Variants in TRAPPC10 observed in about 807,000 individuals in gnomAD.
TRAPPC10 encodes the protein TRAPP 130 kDa subunit.
A neutral mutation model predicts 125.5 loss-of-function variants in TRAPPC10; 23 were observed. That is an observed-to-expected ratio of 0.18 (90% CI 0.13 to 0.26). The LOEUF (loss-of-function observed/expected upper bound fraction) is 0.26, where lower values mean the gene tolerates loss of function less well. Among genes scored for constraint, TRAPPC10 ranks in the 10% least tolerant of loss-of-function variants. The pLI is 1.00. For synonymous variants in TRAPPC10, 509 were observed against 518.0 expected, an observed-to-expected ratio of 0.98 and a Z score of 0.24; for missense variants, 1,123 against 1,308.4, an observed-to-expected ratio of 0.86 and a Z score of 2.19.
rs1371132399 is a variant in TRAPPC10, at chr21:44,083,218, G to A, written c.2154G>A (p.Val718=). Residue 718 remains valine, a synonymous_variant, in exon 14 of 23, where the codon GTG becomes GTA. Coordinates refer to ENST00000291574, the MANE Select transcript of TRAPPC10 (RefSeq NM_003274.5). The stretch of plus-strand genomic sequence containing the variant: ...CCTCTCTAGAGATGCCCTCAGGGGT[G>A]GCTCTGGAGGAGGGTGCCCACGTGC... The part of the protein sequence containing the change: ...SSSSLEMPSG[V]ALEEGAHVLR... 1.1e-5 allele frequency: 18 copies of A among 1,614,144 alleles called. No homozygotes were observed. The highest frequency in any genetic ancestry group is 1.5e-5 in the Non-Finnish European group (18 of 1,180,016).
At chr21:44,078,595 C>T (rs925540408) in intron 11 of TRAPPC10, among the ~76,000 whole-genome samples, 4 of 152,216 alleles carry the variant, frequency 2.6e-5, no homozygotes, top group East Asian at 1.9e-4. Flanking sequence ...TCTGGTTTTC[C>T]GGATGTGGTT....
intron 7 of TRAPPC10, among the ~76,000 whole-genome samples, chr21:44,068,511 GGGCAGAGAGA>G (rs769430708): frequency 7.2e-5 from 11 of 152,140 alleles, no homozygotes; most frequent in Non-Finnish European, 1.3e-4. Context: ...GTGAGGCAGA[GGGCAGAGAGA>G]GGCAGAGAGA....
chr21:44,074,385 A>T lies in TRAPPC10; in HGVS notation c.1100A>T (p.Gln367Leu). The change falls in exon 8 of 23, where the codon CAG becomes CTG. Residue 367 changes from glutamine (Q) to leucine (L), a missense_variant. Around this residue, in one of 4 missense-constraint regions of TRAPPC10, gnomAD observed 840 missense variants for 902.0 expected, o/e 0.93. Coordinates refer to ENST00000291574, the MANE Select transcript of TRAPPC10 (RefSeq NM_003274.5). The part of the protein sequence containing the change: ...WVFLSCLEVL[Q>L]RIEGCCDRAQ... ...TTTCTGAGCTGTCTGGAGGTGTTGC[A>T]GAGGATAGAAGGCTGCTGTGACCGG... is the stretch of plus-strand genomic sequence containing the variant. The T allele has an allele frequency of 1.2e-6, 2 of 1,614,198 alleles. No individual in the cohort carries two copies. Among genetic ancestry groups the T allele is most frequent in the Non-Finnish European group, 1.7e-6 (2 of 1,180,022 alleles).
chr21:44,076,756 C>G, intron 10 of TRAPPC10, 128 bp downstream of exon 10: 1 of 657,972 alleles, frequency 1.5e-6, no homozygotes. Flanking sequence ...TTTTTAGTTT[C>G]TTTGGTACCT....
At chr21:44,047,532 A>ATGTATG (rs1555936100) in intron 3 of TRAPPC10, among the ~76,000 whole-genome samples, 1 of 142,826 alleles carries the variant, frequency 7.0e-6, no homozygotes, top group Non-Finnish European at 1.5e-5. Context: ...CTGGGGGAGT[A>ATGTATG]TGTGTGTGTG....
At chr21:44,014,089 C>T (rs2031517524) in intron 1 of TRAPPC10, among the ~76,000 whole-genome samples, 1 of 152,256 alleles carries the variant, frequency 6.6e-6, no homozygotes, top group African/African-American at 2.4e-5. Context: ...CGGACATCCA[C>T]ACATCTAATT....
intron 3 of TRAPPC10, among the ~76,000 whole-genome samples, chr21:44,047,545 TGTGTGTGTGTGTGTGTGTGTGC>T (rs1013238167): frequency 1.3e-5 from 2 of 150,440 alleles, no homozygotes; most frequent in African/African-American, 5.0e-5. Flanking sequence ...TGTGTGTGTG[TGTGTGTGTGTGTGTGTGTGTGC>T]GCGCACACGC....
At chr21:44,024,723 A>G (rs1373441545) in intron 1 of TRAPPC10, among the ~76,000 whole-genome samples, 2 of 152,174 alleles carry the variant, frequency 1.3e-5, no homozygotes, top group African/African-American at 2.4e-5. Flanking sequence ...GAAAACCTTG[A>G]AAAAATCTAA....
intron 7 of TRAPPC10, among the ~76,000 whole-genome samples, chr21:44,072,085 C>T (rs1172856606): frequency 2.0e-5 from 3 of 152,166 alleles, no homozygotes; most frequent in South Asian, 2.1e-4. Context: ...TTAATACTGT[C>T]GTTCAAGCTT....
At chr21:44,086,479 AC>A (rs2038142452) in intron 15 of TRAPPC10, among the ~76,000 whole-genome samples, 1 of 152,248 alleles carries the variant, frequency 6.6e-6, no homozygotes, top group Admixed American at 6.5e-5. Flanking sequence ...CTCTTCTACT[AC>A]TAATGGGCAG....
intron 14 of TRAPPC10, among the ~76,000 whole-genome samples, 186 bp downstream of exon 14, chr21:44,083,488 T>A (rs748917176): frequency 3.3e-5 from 5 of 152,238 alleles, no homozygotes; most frequent in Non-Finnish European, 7.3e-5. Flanking sequence ...TTTTCTGACA[T>A]TTGATAAATT....
At chr21:44,090,520 C>T (rs928660528) in intron 18 of TRAPPC10, among the ~76,000 whole-genome samples, 6 of 152,196 alleles carry the variant, frequency 3.9e-5, no homozygotes, top group Admixed American at 3.3e-4. Context: ...GTAGACACTG[C>T]CCAGTGTCCT....
At chr21:44,056,968 C>T (rs953829229) in intron 5 of TRAPPC10, among the ~76,000 whole-genome samples, 15 of 151,408 alleles carry the variant, frequency 9.9e-5, no homozygotes, top group Admixed American at 5.9e-4. Flanking sequence ...TGCAATATTT[C>T]TGTAAGTCTA....
intron 11 of TRAPPC10, among the ~76,000 whole-genome samples, chr21:44,078,026 C>T (rs1287223107): frequency 6.6e-6 from 1 of 151,902 alleles, no homozygotes; most frequent in African/African-American, 2.4e-5. Flanking sequence ...TAAATATATA[C>T]ATTTTTGTAA....
intron 7 of TRAPPC10, among the ~76,000 whole-genome samples, chr21:44,070,854 T>C (rs1241798439): frequency 6.6e-6 from 1 of 152,218 alleles, no homozygotes; most frequent in Non-Finnish European, 1.5e-5. Flanking sequence ...CTGCCTGTGT[T>C]CTGCTGTGAG....
chr21:44,032,003 T>G (rs1423126743), intron 1 of TRAPPC10, 88 bp from the exon 2 acceptor site: 3 of 1,120,542 alleles, frequency 2.7e-6, no homozygotes, highest in African/African-American at 3.1e-5. Flanking sequence ...TAAAACTACC[T>G]AAAAACACCA....
At chr21:44,048,513 A>G (rs1022385761) in intron 3 of TRAPPC10, among the ~76,000 whole-genome samples, 3 of 152,022 alleles carry the variant, frequency 2.0e-5, no homozygotes, top group African/African-American at 7.3e-5. Context: ...GTTGTTTTTG[A>G]GACAGAGTCT....
chr21:44,054,653 CGT>C (rs1426102251), intron 4 of TRAPPC10, among the ~76,000 whole-genome samples: 1 of 152,162 alleles, frequency 6.6e-6, no homozygotes, highest in Non-Finnish European at 1.5e-5. Context: ...TGTGTAATTT[CGT>C]GTGTTTGACC....
At chr21:44,049,542 T>C (rs2035092107) in intron 3 of TRAPPC10, among the ~76,000 whole-genome samples, 1 of 152,224 alleles carries the variant, frequency 6.6e-6, no homozygotes, top group African/African-American at 2.4e-5. Context: ...CATCCCTGTC[T>C]GGGGGATGCC....
Sources: allele counts gnomAD v4.1 joint callset (sites outside exome capture counted in the v4.1 genomes callset), GRCh38; gene constraint gnomAD v4.1.1; regional missense constraint gnomAD v4.1.1; transcripts MANE v1.5; gene names NCBI Gene and HGNC (gene_info 2026-07-23, HGNC 2026-07-21).